Variants in ADAMTS9 observed in about 807,000 individuals in gnomAD.
The protein encoded by ADAMTS9 is A disintegrin and metalloproteinase with thrombospondin motifs 9.
A neutral mutation model predicts 257.1 loss-of-function variants in ADAMTS9; 107 were observed. The ratio of observed to expected loss-of-function variants is 0.42; its 90% confidence interval spans 0.36 to 0.49. ADAMTS9 has a LOEUF of 0.49. ADAMTS9 is among the 20% of genes least tolerant of loss of function. ADAMTS9 has a pLI of 0.03. For missense variants in ADAMTS9, 2,353 were observed against 2,469.1 expected (o/e 0.95, Z 1.00); for synonymous variants, 982 against 880.9 (o/e 1.11, Z -2.03).
chr3:64,595,365 G>C (rs932150174), intron 27 of ADAMTS9, among the ~76,000 whole-genome samples: 1 of 152,170 alleles, frequency 6.6e-6, no homozygotes, highest in African/African-American at 2.4e-5. Context: ...GGAACACGTT[G>C]TATTTCTTGG....
intron 28 of ADAMTS9, chr3:64,587,154 T>G (rs914359655): frequency 6.6e-6 from 1 of 152,158 alleles, no homozygotes; most frequent in South Asian, 2.1e-4. Flanking sequence ...CTGGTTCTGA[T>G]AGGCCATCTT....
In ADAMTS9 at chr3:64,594,337, T is replaced by C; in HGVS notation, c.4277A>G (p.Asp1426Gly). ...ACACTGCTCACGATCGGGAGGTTTA[T>C]CAAGAATTTCACAGCTCAAATCTGG... The part of the protein sequence containing the change: ...RFPDLSCEIL[D>G]KPPDREQCNT... Residue 1426 changes from aspartate (D) to glycine (G), a missense_variant, in exon 28 of 40, where the codon GAT becomes GGT. Asp to Gly is a moderately conservative substitution (Grantham distance 94). Transcript: ENST00000498707. 1.2e-6 allele frequency: 2 copies of C among 1,613,442 alleles called. No individual in the cohort carries two copies. The highest frequency in any genetic ancestry group is 1.7e-4 in the Middle Eastern group (1 of 6,056).
chr3:64,652,277 A>G (rs541871033), intron 8 of ADAMTS9, among the ~76,000 whole-genome samples: 1 of 152,288 alleles, frequency 6.6e-6, no homozygotes, highest in East Asian at 1.9e-4. Flanking sequence ...AATTTATCAC[A>G]TTTTCCCTTT....
At chr3:64,673,907 C>A (rs1701557794) in intron 3 of ADAMTS9, among the ~76,000 whole-genome samples, 1 of 151,758 alleles carries the variant, frequency 6.6e-6, no homozygotes. Flanking sequence ...TTATTATTGT[C>A]TCTAGCTTTA....
chr3:64,557,319 A>C (rs1401182396), intron 30 of ADAMTS9, among the ~76,000 whole-genome samples: 1 of 152,196 alleles, frequency 6.6e-6, no homozygotes, highest in Non-Finnish European at 1.5e-5. Flanking sequence ...TCACAATTCA[A>C]ATTTGACCAG....
intron 29 of ADAMTS9, among the ~76,000 whole-genome samples, chr3:64,566,133 C>G (rs1204991549): frequency 1.3e-5 from 2 of 152,174 alleles, no homozygotes; most frequent in Non-Finnish European, 2.9e-5. Context: ...ATAAAATCTT[C>G]TAAATATTGC....
At position 64,668,070 on chromosome 3, in the gene ADAMTS9, C is replaced by G. The variant is rs4579012; in HGVS notation, c.680-9279G>C. On this transcript the variant is annotated intron_variant, in intron 3 of 39. Coordinates refer to ENST00000498707, the MANE Select transcript of ADAMTS9 (RefSeq NM_182920.2). ...AGCAGTAGCGGGAGAGTGACCTTTC[C>G]GCCTGTCAGGGTGCCAACTGCCCAC... Among the ~76,000 whole-genome samples the G allele has an allele frequency of 3.3e-5, 5 of 151,992 alleles. No homozygotes were observed. In the East Asian group the frequency reaches 7.8e-4, roughly 24 times the overall value.
intron 11 of ADAMTS9, among the ~76,000 whole-genome samples, chr3:64,646,245 T>C (rs1462353781): frequency 6.6e-6 from 1 of 152,192 alleles, no homozygotes; most frequent in Non-Finnish European, 1.5e-5. Context: ...AGTTGTCAAA[T>C]AGGTATCATG....
intron 27 of ADAMTS9, among the ~76,000 whole-genome samples, chr3:64,595,988 C>T (rs2084357695): frequency 1.3e-5 from 2 of 152,158 alleles, no homozygotes; most frequent in South Asian, 4.1e-4. Context: ...ATAATAAGGG[C>T]TCAAACCCCC....
At position 64,686,814 on chromosome 3, in the gene ADAMTS9, AGAG is replaced by A. The variant is rs1701924505; in HGVS notation, c.267_269del (p.Ser93del). ...GCGCCTGGGAGGAGGTAGAGGAGGAAGAGGAGGAGGCGAAGGCAGGCCAGGGGT... is the reference window on the plus strand; with the variant it reads ...GCGCCTGGGAGGAGGTAGAGGAGGAAGAGGAGGCGAAGGCAGGCCAGGGGT... On this transcript the variant is annotated inframe_deletion, in exon 2 of 40. Transcript: ENST00000498707. This position sits in a 1 kb window ranked among gnomAD's most constrained non-coding sequence, Gnocchi z 4.6. 1.9e-6 allele frequency: 3 copies of A among 1,613,960 alleles called. No individual in the cohort carries two copies. Among genetic ancestry groups the A allele is most frequent in the Non-Finnish European group, 1.7e-6 (2 of 1,180,012 alleles).
intron 4 of ADAMTS9, among the ~76,000 whole-genome samples, chr3:64,657,944 A>G (rs1451557020): frequency 6.6e-6 from 1 of 152,160 alleles, no homozygotes; most frequent in Non-Finnish European, 1.5e-5. Context: ...AAAGCCTCCT[A>G]GGCCTCACTC....
chr3:64,687,095 A>C lies in ADAMTS9; in HGVS notation c.116-127T>G. The C allele has an allele frequency of 1.7e-6, 2 of 1,143,002 alleles. No individual in the cohort carries two copies. Among genetic ancestry groups the C allele is most frequent in the South Asian group, 1.6e-5 (1 of 62,656 alleles). The allele number at this position is 1,143,002 out of a possible 1,614,324, so 70.8% of individuals were successfully genotyped here. On this transcript the variant is annotated intron_variant, in intron 1 of 39. Coordinates refer to ENST00000498707, the MANE Select transcript of ADAMTS9 (RefSeq NM_182920.2). This position sits in a 1 kb window ranked among gnomAD's most constrained non-coding sequence, Gnocchi z 4.4. ...CATTCGAGTCAATCCCTTCACCCTTAATCAGTGGACAAATATTTGCTGAGC... is the reference window on the plus strand; with the variant it reads ...CATTCGAGTCAATCCCTTCACCCTTCATCAGTGGACAAATATTTGCTGAGC...
chr3:64,663,569 T>C (rs1432458097), intron 3 of ADAMTS9, among the ~76,000 whole-genome samples: 1 of 151,456 alleles, frequency 6.6e-6, no homozygotes, highest in Non-Finnish European at 1.5e-5. Flanking sequence ...AGGCCATAAA[T>C]GGAAACAAAG....
At chr3:64,682,846 C>T (rs373742449) in intron 2 of ADAMTS9, among the ~76,000 whole-genome samples, 42 of 152,342 alleles carry the variant, frequency 2.8e-4, no homozygotes, top group African/African-American at 7.9e-4. Flanking sequence ...TAGGCTAAGA[C>T]GTTGGCTCCC....
chr3:64,587,112 A>G (rs934536626), intron 28 of ADAMTS9: 5 of 152,184 alleles, frequency 3.3e-5, no homozygotes, highest in African/African-American at 4.8e-5. Flanking sequence ...TGCTTTTACA[A>G]TGAAGCCCTG....
intron 27 of ADAMTS9, among the ~76,000 whole-genome samples, chr3:64,595,730 A>T (rs1213774776): frequency 6.6e-6 from 1 of 152,202 alleles, no homozygotes; most frequent in African/African-American, 2.4e-5. Flanking sequence ...AAACCATGAA[A>T]TGTGGACACG....
intron 11 of ADAMTS9, among the ~76,000 whole-genome samples, chr3:64,643,090 T>A (rs997074796): frequency 2.0e-5 from 3 of 152,156 alleles, no homozygotes; most frequent in Non-Finnish European, 1.5e-5. Flanking sequence ...CCTGGGCTGT[T>A]TGGCTGAGGC....
intron 37 of ADAMTS9, among the ~76,000 whole-genome samples, chr3:64,533,640 A>G (rs965390036): frequency 2.6e-5 from 4 of 152,244 alleles, no homozygotes; most frequent in African/African-American, 9.6e-5. Context: ...CACAATTATC[A>G]GATTCCTTCA....
intron 3 of ADAMTS9, among the ~76,000 whole-genome samples, chr3:64,666,972 C>A (rs528768810): frequency 4.6e-5 from 7 of 152,222 alleles, no homozygotes; most frequent in South Asian, 2.1e-4. Flanking sequence ...CATAGGGATA[C>A]CCTGTCTCAA....
Sources: allele counts gnomAD v4.1 joint callset (sites outside exome capture counted in the v4.1 genomes callset), GRCh38; gene constraint gnomAD v4.1.1; non-coding constraint Gnocchi (gnomAD v3.1); transcripts MANE v1.5; gene names NCBI Gene and HGNC (gene_info 2026-07-23, HGNC 2026-07-21).